The following C14orf132 variants were observed in gnomAD, a reference collection of about 807,000 sequenced individuals.
C14orf132 encodes chromosome 14 open reading frame 132.
C14orf132 carries 6 observed loss-of-function variants against 5.8 expected under a neutral mutation model. The ratio of observed to expected loss-of-function variants is 1.03; its 90% CI spans 0.57 to 2.04. The LOEUF is 2.04. C14orf132 is among the 30% of genes most tolerant of loss of function. The probability of loss-of-function intolerance (pLI) is 0.00; values close to 1 mark genes in which losing one functional copy is unlikely to be tolerated. For missense variants in C14orf132, 125 were observed against 115.8 expected, an observed-to-expected ratio of 1.08 and a Z score of -0.37; for synonymous variants, 51 against 49.8, an observed-to-expected ratio of 1.02 and a Z score of -0.10.
At chr14:96,085,243 CT>C (rs1258036540) in intron 1 of C14orf132, among the ~76,000 whole-genome samples, 2 of 152,240 alleles carry the variant, frequency 1.3e-5, no homozygotes, top group Non-Finnish European at 2.9e-5. Flanking sequence ...AGAATACTGT[CT>C]CATGCGGTGC....
At chr14:96,049,112 G>A (rs867004801) in intron 1 of C14orf132, among the ~76,000 whole-genome samples, 7 of 152,104 alleles carry the variant, frequency 4.6e-5, no homozygotes, top group Admixed American at 1.3e-4. Flanking sequence ...TTATAGTAGA[G>A]ACAGGGTTTT....
chr14:96,087,026 A>T lies in C14orf132; in HGVS notation c.*291A>T. ...CTACATTCCAGGAACATGGGACCAG[A>T]TGAGACAGCTAGTTAAGTTTAAAAC... On this transcript the variant is annotated 3_prime_UTR_variant, in exon 2 of 2. Coordinates refer to ENST00000555004, the MANE Select transcript of C14orf132 (RefSeq NM_001252507.3). 2.1e-6 allele frequency: 1 copy of T among 472,936 alleles called. No individual in the cohort carries two copies. 29.3% of individuals were successfully genotyped at this position (472,936 alleles called of 1,614,324 possible). A position where few individuals can be genotyped will look rare whatever the true frequency, so the allele number is the denominator to read the frequency against.
intron 1 of C14orf132, among the ~76,000 whole-genome samples, chr14:96,049,643 T>C (rs1372413395): frequency 1.4e-5 from 1 of 70,938 alleles, no homozygotes; most frequent in South Asian, 5.8e-4. Context: ...TATATACGTA[T>C]ATATATATAT....
chr14:96,046,593 TC>T (rs1886836437), intron 1 of C14orf132, among the ~76,000 whole-genome samples: 1 of 152,176 alleles, frequency 6.6e-6, no homozygotes, highest in Admixed American at 6.5e-5. Context: ...AGCTGGGAAT[TC>T]CCCCACCTCG....
chr14:96,044,078 T>C (rs951787751), intron 1 of C14orf132, among the ~76,000 whole-genome samples: 2 of 152,236 alleles, frequency 1.3e-5, no homozygotes, highest in Non-Finnish European at 2.9e-5. Flanking sequence ...GCAGTACCCC[T>C]GCAAGAGCTG....
At chr14:96,081,763 T>G (rs926791302) in intron 1 of C14orf132, among the ~76,000 whole-genome samples, 1 of 152,022 alleles carries the variant, frequency 6.6e-6, no homozygotes, top group African/African-American at 2.4e-5. Context: ...CACACTCCGC[T>G]AATTTTTTTT....
intron 1 of C14orf132, among the ~76,000 whole-genome samples, chr14:96,058,400 G>C (rs1887243192): frequency 6.6e-6 from 1 of 151,974 alleles, no homozygotes; most frequent in African/African-American, 2.4e-5. Context: ...CTTCTTTTAA[G>C]AATCTTGTGA....
chr14:96,063,751 C>T (rs1490901923), intron 1 of C14orf132, among the ~76,000 whole-genome samples: 2 of 152,050 alleles, frequency 1.3e-5, no homozygotes, highest in Non-Finnish European at 2.9e-5. Context: ...AGCTTTTGCA[C>T]GGCAAAAGGA....
intron 1 of C14orf132, among the ~76,000 whole-genome samples, chr14:96,042,391 G>C (rs1220100242): frequency 1.3e-5 from 2 of 152,196 alleles, no homozygotes; most frequent in Non-Finnish European, 2.9e-5. Flanking sequence ...AGTTGAAGCA[G>C]TCCCTTGGGA....
At chr14:96,051,525 C>T (rs1415192494) in intron 1 of C14orf132, among the ~76,000 whole-genome samples, 1 of 152,200 alleles carries the variant, frequency 6.6e-6, no homozygotes, top group Non-Finnish European at 1.5e-5. Flanking sequence ...CATCCATCTC[C>T]TCAGCATGAA....
In C14orf132 at chr14:96,086,983, G is replaced by A; in HGVS notation, c.*248G>A. On this transcript the variant is annotated 3_prime_UTR_variant, in exon 2 of 2. Transcript: ENST00000555004. ...GACGGGGCAAGGCCTTCAGAGGGCA[G>A]ATTGGGGATCCTTGAAACTACATTC... is the stretch of plus-strand genomic sequence containing the variant. 5.5e-6 allele frequency: 3 copies of A among 546,724 alleles called. No individual in the cohort carries two copies. The South Asian group carries it at 7.1e-5, about 13-fold the overall frequency. 33.9% of individuals were successfully genotyped at this position (546,724 alleles called of 1,614,324 possible). A position where few individuals can be genotyped will look rare whatever the true frequency, so the allele number is the denominator to read the frequency against.
rs117689618 is a variant in C14orf132 at position 96,061,394 on chromosome 14, G to A, written c.27+21867G>A. ...ATCTACTGCCATTGGGCATGTATTC[G>A]CACCCCTTATTTTAGTTCATAGGTT... On this transcript the variant is annotated intron_variant, in intron 1 of 1. Transcript: ENST00000555004. 6.7e-3 allele frequency among the ~76,000 whole-genome samples: 1,026 copies of A among 152,208 alleles called. 63 individuals carry two copies. In the East Asian group the frequency reaches 0.15, roughly 22 times the overall value.
Position 96,093,785 on chromosome 14 carries a change from C to A in C14orf132, c.*7050C>A, listed in dbSNP as rs1347311331. 6 of 152,198 alleles carry A rather than the reference C, an allele frequency of 3.9e-5. No homozygotes were observed. The highest frequency in any genetic ancestry group is 7.3e-5 in the Non-Finnish European group (5 of 68,042). 9.4% of individuals were successfully genotyped at this position (152,198 alleles called of 1,614,324 possible). ...GCTCTTTTGATTAAAAATATCTAACCTTAAAAGACGTAAAAATGTATCTGT... is the reference window on the plus strand; with the variant it reads ...GCTCTTTTGATTAAAAATATCTAACATTAAAAGACGTAAAAATGTATCTGT... On this transcript the variant is annotated 3_prime_UTR_variant, in exon 2 of 2. Coordinates refer to ENST00000555004, the MANE Select transcript of C14orf132 (RefSeq NM_001252507.3).
chr14:96,079,954 T>C (rs1055829647), intron 1 of C14orf132, among the ~76,000 whole-genome samples: 2 of 152,268 alleles, frequency 1.3e-5, no homozygotes, highest in Admixed American at 6.5e-5. Context: ...TTATTTAGGA[T>C]AAGTATAGGC....
intron 1 of C14orf132, among the ~76,000 whole-genome samples, chr14:96,052,753 C>T (rs1380002155): frequency 1.3e-5 from 2 of 152,036 alleles, no homozygotes; most frequent in Admixed American, 1.3e-4. Context: ...CTCTCTTGTC[C>T]CCCTGCAAAC....
rs575629916 is a variant in C14orf132 at position 96,040,268 on chromosome 14, G to C, written c.27+741G>C. 8.4e-4 allele frequency: 334 copies of C among 398,216 alleles called. 3 individuals carry two copies. The highest frequency in any genetic ancestry group is 6.1e-3 in the African/African-American group (299 of 48,692). The allele number at this position is 398,216 out of a possible 1,614,324, so 24.7% of individuals were successfully genotyped here. ...TCTATTTCTGTGCCTTAACTCTCTT[G>C]AGCCAGAACAAAGACAAATCCCGGA... is the stretch of plus-strand genomic sequence containing the variant. On this transcript the variant is annotated intron_variant, in intron 1 of 1. Coordinates refer to ENST00000555004, the MANE Select transcript of C14orf132 (RefSeq NM_001252507.3).
chr14:96,064,393 C>CACACACAT lies in C14orf132; in HGVS notation c.28-22117_28-22116insCACACATA, dbSNP rs771778523. Among the ~76,000 whole-genome samples, 183 of 146,386 alleles carry CACACACAT rather than the reference C, an allele frequency of 1.3e-3. 1 individual carries two copies. Among genetic ancestry groups the CACACACAT allele is most frequent in the African/African-American group, 4.4e-3 (168 of 38,524 alleles). ...ACACACACACACACACACACACACA[C>CACACACAT]ATATACATATATGTATATATATACA... On this transcript the variant is annotated intron_variant, in intron 1 of 1. Coordinates refer to ENST00000555004, the MANE Select transcript of C14orf132 (RefSeq NM_001252507.3).
chr14:96,076,427 T>A (rs1887868599), intron 1 of C14orf132, among the ~76,000 whole-genome samples: 1 of 152,208 alleles, frequency 6.6e-6, no homozygotes, highest in Admixed American at 6.5e-5. Flanking sequence ...TTGAGTTTTG[T>A]TCTTATCTCT....
At chr14:96,040,430 T>A (rs545507180) in intron 1 of C14orf132, 2 of 394,674 alleles carry the variant, frequency 5.1e-6, no homozygotes, top group Non-Finnish European at 8.9e-6. Flanking sequence ...TTGGTTATGG[T>A]GGGAGCAGAG....
Sources: allele counts gnomAD v4.1 joint callset (sites outside exome capture counted in the v4.1 genomes callset), GRCh38; gene constraint gnomAD v4.1.1; transcripts MANE v1.5; gene names NCBI Gene and HGNC (gene_info 2026-07-23, HGNC 2026-07-21).